Variants in NHS observed in about 807,000 individuals in gnomAD.
NHS encodes the protein NHS actin remodeling regulator.
A neutral mutation model predicts 72.5 loss-of-function variants in NHS; 5 were observed. The observed-to-expected ratio is 0.07, with a 90% confidence interval of 0.04 to 0.14. The LOEUF (loss-of-function observed/expected upper bound fraction) is 0.14. NHS is among the 10% of genes least tolerant of loss of function. The pLI is 1.00. For missense variants in NHS, 1,072 were observed against 1,355.7 expected (o/e 0.79, Z 3.29); for synonymous variants, 464 against 547.7 (o/e 0.85, Z 2.13).
intron 3 of NHS, among the ~76,000 whole-genome samples, chrX:17,694,808 G>A (rs919882488): frequency 9.0e-6 from 1 of 111,718 alleles, no homozygotes; most frequent in African/African-American, 3.3e-5. Flanking sequence ...ATTCCCTGAA[G>A]TATCTATAAT....
At chrX:17,486,440 A>G (rs1302179087) in intron 1 of NHS, among the ~76,000 whole-genome samples, 1 of 111,847 alleles carries the variant, frequency 8.9e-6, no homozygotes, top group East Asian at 2.8e-4. Context: ...AGGTCTGTGC[A>G]TTGATTAGCT....
At chrX:17,695,543 A>AT (rs2066223559) in intron 3 of NHS, among the ~76,000 whole-genome samples, 1 of 111,665 alleles carries the variant, frequency 9.0e-6, no homozygotes, top group Non-Finnish European at 1.9e-5. Flanking sequence ...CATAGGGGGA[A>AT]AAGGCTGGAA....
chrX:17,566,272 C>T (rs966642109), intron 1 of NHS, among the ~76,000 whole-genome samples: 1 of 111,367 alleles, frequency 9.0e-6, no homozygotes, highest in African/African-American at 3.3e-5. Context: ...CATGAGCCAC[C>T]GTATACTGCC....
chrX:17,567,913 C>T (rs929811303), intron 1 of NHS, among the ~76,000 whole-genome samples: 1 of 111,304 alleles, frequency 9.0e-6, no homozygotes, highest in African/African-American at 3.3e-5. Flanking sequence ...GATTTCAAAA[C>T]GTGAATAAAG....
chrX:17,654,181 C>A (rs1343146562), intron 1 of NHS, among the ~76,000 whole-genome samples: 1 of 112,150 alleles, frequency 8.9e-6, no homozygotes, highest in Non-Finnish European at 1.9e-5. Flanking sequence ...AGATGGGGCC[C>A]TTCCCCCCTT....
chrX:17,622,024 T>G lies in NHS; in HGVS notation c.566-65718T>G, dbSNP rs775939759. Among the ~76,000 whole-genome samples the G allele has an allele frequency of 2.7e-5, 3 of 112,266 alleles. No homozygotes were observed. The East Asian group carries it at 8.4e-4, about 31-fold the overall frequency. ...ATCAATACCTGAGAGAGAATAGCTT[T>G]TGTTTGTGTGTGCAAGGCCCTGAGG... On this transcript the variant is annotated intron_variant, in intron 1 of 8. Coordinates refer to ENST00000676302, the MANE Select transcript of NHS (RefSeq NM_001291867.2).
chrX:17,590,343 C>T (rs2065597506), intron 1 of NHS, among the ~76,000 whole-genome samples: 1 of 111,748 alleles, frequency 8.9e-6, no homozygotes, highest in African/African-American at 3.3e-5. Context: ...TTGGTGCTAT[C>T]TGGAATAAAT....
intron 1 of NHS, among the ~76,000 whole-genome samples, chrX:17,573,937 C>T (rs1319272141): frequency 1.8e-5 from 2 of 111,958 alleles, no homozygotes; most frequent in Non-Finnish European, 3.8e-5. Flanking sequence ...AGACAGGCCT[C>T]TCAGCTGCAG....
chrX:17,714,304 T>C (rs1363789586), intron 3 of NHS, among the ~76,000 whole-genome samples: 1 of 111,332 alleles, frequency 9.0e-6, no homozygotes, highest in Non-Finnish European at 1.9e-5. Flanking sequence ...GGGGCCAATT[T>C]TGATCCACAT....
At chrX:17,712,862 G>A (rs890278767) in intron 3 of NHS, among the ~76,000 whole-genome samples, 1 of 111,475 alleles carries the variant, frequency 9.0e-6, no homozygotes, top group African/African-American at 3.3e-5. Context: ...GACTGCTGAG[G>A]AGAGAGTGGT....
intron 1 of NHS, among the ~76,000 whole-genome samples, chrX:17,510,151 T>C (rs1437622111): frequency 1.8e-5 from 2 of 112,704 alleles, no homozygotes; most frequent in Non-Finnish European, 3.7e-5. Flanking sequence ...TTTATTTCTC[T>C]TTTTCAGTGT....
intron 1 of NHS, among the ~76,000 whole-genome samples, chrX:17,575,608 T>C (rs1191087675): frequency 8.9e-6 from 1 of 111,894 alleles, no homozygotes; most frequent in East Asian, 2.8e-4. Context: ...TTAATAGAAG[T>C]CTTTTCATTT....
At chrX:17,480,082 G>A (rs1429870816) in intron 1 of NHS, among the ~76,000 whole-genome samples, 1 of 111,126 alleles carries the variant, frequency 9.0e-6, no homozygotes, top group Non-Finnish European at 1.9e-5. Context: ...GGGATGCGAA[G>A]GACCTCTTCA....
At chrX:17,546,785 G>A (rs1270852491) in intron 1 of NHS, among the ~76,000 whole-genome samples, 1 of 112,451 alleles carries the variant, frequency 8.9e-6, no homozygotes, top group Non-Finnish European at 1.9e-5. Flanking sequence ...CTGAAAGATT[G>A]CGTAGAAATG....
intron 1 of NHS, among the ~76,000 whole-genome samples, chrX:17,627,647 A>G: frequency 8.9e-6 from 1 of 112,537 alleles, no homozygotes; most frequent in East Asian, 2.8e-4. Context: ...TGATCATCTA[A>G]TGCTGTCTCT....
At chrX:17,709,376 T>C (rs917757011) in intron 3 of NHS, among the ~76,000 whole-genome samples, 7 of 111,485 alleles carry the variant, frequency 6.3e-5, no homozygotes, top group African/African-American at 2.3e-4. Flanking sequence ...CATTGTCATC[T>C]TGACACCCCA....
intron 3 of NHS, among the ~76,000 whole-genome samples, chrX:17,712,777 A>T (rs2066342600): frequency 1.8e-5 from 2 of 110,561 alleles, no homozygotes; most frequent in African/African-American, 6.6e-5. Flanking sequence ...TGAAGGGTTT[A>T]GGCACTTGGG....
chrX:17,523,750 TTCTC>T (rs2065160936), intron 1 of NHS, among the ~76,000 whole-genome samples: 1 of 111,937 alleles, frequency 8.9e-6, no homozygotes, highest in Admixed American at 9.5e-5. Flanking sequence ...AGTCTTGTCT[TTCTC>T]TCCCAACAGT....
At chrX:17,536,427 C>A (rs941483804) in intron 1 of NHS, among the ~76,000 whole-genome samples, 1 of 112,802 alleles carries the variant, frequency 8.9e-6, no homozygotes, top group Non-Finnish European at 1.9e-5. Flanking sequence ...GTTCCAAAAG[C>A]ACTGGCTCTT....
Sources: allele counts gnomAD v4.1 joint callset (sites outside exome capture counted in the v4.1 genomes callset), GRCh38; gene constraint gnomAD v4.1.1; transcripts MANE v1.5; gene names NCBI Gene and HGNC (gene_info 2026-07-23, HGNC 2026-07-21).